Variants in MGAT4C observed in about 807,000 individuals in gnomAD.
The protein encoded by MGAT4C is MGAT4 family member C.
MGAT4C carries 19 observed loss-of-function variants against 40.1 expected under a neutral mutation model. The ratio of observed to expected loss-of-function variants is 0.47; its 90% confidence interval spans 0.33 to 0.70. The LOEUF (loss-of-function observed/expected upper bound fraction) is 0.70, where lower values mean the gene tolerates loss of function less well. MGAT4C is among the 30% of genes least tolerant of loss of function. MGAT4C has a pLI of 0.02. For synonymous variants in MGAT4C, 181 were observed against 187.1 expected (o/e 0.97, Z 0.27); for missense variants, 491 against 563.2 (o/e 0.87, Z 1.30).
At chr12:86,748,903 T>G (rs1305113743) in intron 1 of MGAT4C, among the ~76,000 whole-genome samples, 2 of 151,468 alleles carry the variant, frequency 1.3e-5, no homozygotes, top group African/African-American at 4.8e-5. Flanking sequence ...TGTTGAGTGC[T>G]TAATTTTAAA....
intron 2 of MGAT4C, among the ~76,000 whole-genome samples, chr12:86,655,026 T>A (rs1292168030): frequency 6.6e-6 from 1 of 152,086 alleles, no homozygotes; most frequent in African/African-American, 2.4e-5. Flanking sequence ...TATACGTGTC[T>A]TGAATACTAT....
At chr12:86,830,143 A>G (rs1318631291) in intron 1 of MGAT4C, among the ~76,000 whole-genome samples, 1 of 151,206 alleles carries the variant, frequency 6.6e-6, no homozygotes, top group Admixed American at 6.6e-5. Flanking sequence ...CCCATGTTTG[A>G]GCTTGAGCCT....
At chr12:86,238,896 G>A (rs565604115) in intron 1 of MGAT4C, among the ~76,000 whole-genome samples, 1 of 151,902 alleles carries the variant, frequency 6.6e-6, no homozygotes, top group African/African-American at 2.4e-5. Flanking sequence ...TGGGTTTTTT[G>A]GCTGTCTATC....
At chr12:86,799,930 T>C (rs1952196375) in intron 1 of MGAT4C, among the ~76,000 whole-genome samples, 1 of 151,888 alleles carries the variant, frequency 6.6e-6, no homozygotes, top group Admixed American at 6.6e-5. Flanking sequence ...TTATATATAA[T>C]TGTTTTATGT....
upstream of MGAT4C, among the ~76,000 whole-genome samples, chr12:86,260,733 C>T (rs1952641101): frequency 1.3e-5 from 2 of 151,910 alleles, no homozygotes; most frequent in South Asian, 2.1e-4. Context: ...ATTTACCTTC[C>T]CTGAACAATG....
At chr12:86,375,956 C>T (rs1433848153) in intron 3 of MGAT4C, among the ~76,000 whole-genome samples, 1 of 151,890 alleles carries the variant, frequency 6.6e-6, no homozygotes, top group East Asian at 1.9e-4. Context: ...TGATCATAAC[C>T]ATCTATTATA....
chr12:86,648,665 C>T (rs1255791411), intron 2 of MGAT4C, among the ~76,000 whole-genome samples: 2 of 151,802 alleles, frequency 1.3e-5, no homozygotes, highest in South Asian at 4.1e-4. Flanking sequence ...CTTGAACGTC[C>T]CGGACTCCTG....
At chr12:86,116,832 T>C (rs1878509563) in intron 1 of MGAT4C, among the ~76,000 whole-genome samples, 1 of 152,104 alleles carries the variant, frequency 6.6e-6, no homozygotes, top group Admixed American at 6.6e-5. Context: ...TTGACATCAA[T>C]ACTTTAGGGA....
intron 4 of MGAT4C, among the ~76,000 whole-genome samples, chr12:86,286,625 G>A (rs1316658639): frequency 6.6e-6 from 1 of 152,038 alleles, no homozygotes; most frequent in Non-Finnish European, 1.5e-5. Context: ...AACATGTGCA[G>A]GTGTGCTATA....
chr12:86,064,459 T>A (rs1300898886), intron 1 of MGAT4C, among the ~76,000 whole-genome samples: 1 of 152,158 alleles, frequency 6.6e-6, no homozygotes, highest in Non-Finnish European at 1.5e-5. Context: ...TGCTCCTCAA[T>A]GACTACTGGG....
chr12:86,062,596 G>T (rs1256679674), intron 1 of MGAT4C, among the ~76,000 whole-genome samples: 1 of 151,992 alleles, frequency 6.6e-6, no homozygotes, highest in Admixed American at 6.6e-5. Context: ...AAAGGAGCAT[G>T]TTCTAACCCA....
intron 1 of MGAT4C, among the ~76,000 whole-genome samples, chr12:86,144,475 G>A (rs902475091): frequency 6.6e-6 from 1 of 152,114 alleles, no homozygotes; most frequent in African/African-American, 2.4e-5. Context: ...GGTCAGAAAA[G>A]AATTGGTATG....
intron 2 of MGAT4C, among the ~76,000 whole-genome samples, chr12:86,524,918 A>T (rs1958855549): frequency 6.6e-6 from 1 of 152,174 alleles, no homozygotes; most frequent in African/African-American, 2.4e-5. Context: ...CTATCAGATC[A>T]GTTACATTGT....
chr12:86,387,536 C>A (rs1459590908), intron 3 of MGAT4C, among the ~76,000 whole-genome samples: 1 of 151,896 alleles, frequency 6.6e-6, no homozygotes, highest in Non-Finnish European at 1.5e-5. Context: ...ATAATAAATT[C>A]ATAAGCTAAA....
intron 2 of MGAT4C, among the ~76,000 whole-genome samples, chr12:86,589,854 G>A (rs1357333227): frequency 6.6e-6 from 1 of 152,014 alleles, no homozygotes; most frequent in Non-Finnish European, 1.5e-5. Flanking sequence ...TTACTTGGAA[G>A]TAAAATGTTC....
At chr12:86,362,762 G>A (rs1291711533) in intron 3 of MGAT4C, among the ~76,000 whole-genome samples, 3 of 151,018 alleles carry the variant, frequency 2.0e-5, no homozygotes, top group African/African-American at 4.9e-5. Context: ...AGCTACCTGG[G>A]AGGCTGAGGC....
intron 1 of MGAT4C, among the ~76,000 whole-genome samples, chr12:86,156,526 G>A (rs1884953064): frequency 6.6e-6 from 1 of 152,074 alleles, no homozygotes; most frequent in South Asian, 2.1e-4. Flanking sequence ...TCTCTGTGTT[G>A]GTCAGGCTGG....
chr12:86,518,579 C>T (rs1958738501), intron 2 of MGAT4C, among the ~76,000 whole-genome samples: 1 of 152,084 alleles, frequency 6.6e-6, no homozygotes, highest in Admixed American at 6.5e-5. Flanking sequence ...TTAAATATTG[C>T]TGACAGAAAT....
intron 1 of MGAT4C, among the ~76,000 whole-genome samples, chr12:86,805,635 G>A (rs1459337339): frequency 1.3e-5 from 2 of 151,980 alleles, no homozygotes; most frequent in African/African-American, 4.8e-5. Context: ...CACCTAGGTT[G>A]ATTTCATGTC....
Sources: allele counts gnomAD v4.1 joint callset (sites outside exome capture counted in the v4.1 genomes callset), GRCh38; gene constraint gnomAD v4.1.1; transcripts MANE v1.5; gene names NCBI Gene and HGNC (gene_info 2026-07-23, HGNC 2026-07-21).